ELAVL2: variants seen among roughly 807,000 people sequenced by gnomAD.
ELAVL2 encodes ELAV-like protein 2.
In ELAVL2, 4 loss-of-function variants were observed where a neutral mutation model predicts 34.6. The observed-to-expected ratio is 0.12, with a 90% CI of 0.06 to 0.26. ELAVL2 has a LOEUF of 0.26. ELAVL2 is among the 10% of genes least tolerant of loss of function. The pLI is 1.00. For synonymous variants in ELAVL2, 193 were observed against 154.8 expected (o/e 1.25, Z -1.83); for missense variants, 432 against 442.8 (o/e 0.98, Z 0.22).
intron 2 of ELAVL2, among the ~76,000 whole-genome samples, chr9:23,748,615 G>C (rs932797125): frequency 2.0e-5 from 3 of 152,082 alleles, no homozygotes; most frequent in East Asian, 1.9e-4. Context: ...AACTGCAAAG[G>C]GGGTAAGATG....
chr9:23,816,956 C>A (rs536032789), intron 1 of ELAVL2, among the ~76,000 whole-genome samples: 1 of 151,982 alleles, frequency 6.6e-6, no homozygotes, highest in South Asian at 2.1e-4. Context: ...ATTAGATTGG[C>A]CAACGGAAAA....
chr9:23,844,238 C>T, the ELAVL2 span, among the ~76,000 whole-genome samples: 1 of 152,018 alleles, frequency 6.6e-6, no homozygotes, highest in African/African-American at 2.4e-5. Context: ...CATCTGTTGA[C>T]ATCTCTATCT....
intron 2 of ELAVL2, among the ~76,000 whole-genome samples, chr9:23,745,123 G>A (rs971777471): frequency 6.6e-6 from 1 of 152,092 alleles, no homozygotes; most frequent in South Asian, 2.1e-4. Context: ...AAGATCACTT[G>A]AGCTTGGGAG....
rs562818986 is a variant in ELAVL2 at position 23,697,662 on chromosome 9, A to T, written c.713+3717T>A. Among the ~76,000 whole-genome samples the T allele has an allele frequency of 2.6e-5, 4 of 152,320 alleles. No homozygotes were observed. The East Asian group carries it at 7.7e-4, about 29-fold the overall frequency. ...AATTTTGAACAGAACCATGTATCAG[A>T]TCATTCCTATTTTAAAGCTAGGTGT... On this transcript the variant is annotated intron_variant, in intron 5 of 6. Coordinates refer to ENST00000397312, the MANE Select transcript of ELAVL2 (RefSeq NM_004432.5).
intron 2 of ELAVL2, among the ~76,000 whole-genome samples, chr9:23,747,777 G>GA (rs1370175046): frequency 1.3e-5 from 2 of 152,108 alleles, no homozygotes; most frequent in Non-Finnish European, 2.9e-5. Flanking sequence ...CCCAACACAG[G>GA]AAATTGCTTT....
At chr9:23,740,815 CAGAA>C (rs1336828854) in intron 2 of ELAVL2, among the ~76,000 whole-genome samples, 2 of 152,208 alleles carry the variant, frequency 1.3e-5, no homozygotes, top group Non-Finnish European at 2.9e-5. Context: ...TTTCCAAACT[CAGAA>C]AGCAGTTCTT....
intron 1 of ELAVL2, among the ~76,000 whole-genome samples, chr9:23,797,061 A>T (rs932816845): frequency 3.3e-5 from 5 of 152,154 alleles, no homozygotes; most frequent in African/African-American, 1.2e-4. Context: ...GGTTGAATTA[A>T]CCTGACCTTT....
intron 1 of ELAVL2, among the ~76,000 whole-genome samples, chr9:23,795,617 T>A (rs531415950): frequency 3.3e-5 from 5 of 152,230 alleles, no homozygotes; most frequent in Non-Finnish European, 5.9e-5. Context: ...TCCATAGTCA[T>A]TGATATATAA....
chr9:23,848,570 G>C, the ELAVL2 span, among the ~76,000 whole-genome samples: 1 of 152,078 alleles, frequency 6.6e-6, no homozygotes, highest in Non-Finnish European at 1.5e-5. Flanking sequence ...ACTTCATGTA[G>C]AATAGGCAAA....
chr9:23,720,909 G>T (rs1009772588), intron 3 of ELAVL2, among the ~76,000 whole-genome samples: 1 of 152,112 alleles, frequency 6.6e-6, no homozygotes, highest in Non-Finnish European at 1.5e-5. Flanking sequence ...GTAAGTCCTG[G>T]TTGGGGTGTA....
chr9:23,729,242 T>C (rs896059943), intron 3 of ELAVL2, among the ~76,000 whole-genome samples: 2 of 152,110 alleles, frequency 1.3e-5, no homozygotes, highest in Non-Finnish European at 2.9e-5. Flanking sequence ...AAAAGGATAG[T>C]TCCTGGGACA....
At chr9:23,801,399 TTA>T (rs1230636372) in intron 1 of ELAVL2, among the ~76,000 whole-genome samples, 3 of 152,150 alleles carry the variant, frequency 2.0e-5, no homozygotes, top group Non-Finnish European at 2.9e-5. Flanking sequence ...AAAGGAAAAG[TTA>T]TACTGTCATT....
At chr9:23,765,230 G>C in intron 1 of ELAVL2, 1 of 724,606 alleles carries the variant, frequency 1.4e-6, no homozygotes, top group South Asian at 2.2e-5. Context: ...AATTGAAATT[G>C]AGGCAATTCC....
At chr9:23,760,191 G>A (rs186643550) in intron 2 of ELAVL2, among the ~76,000 whole-genome samples, 1 of 152,020 alleles carries the variant, frequency 6.6e-6, no homozygotes, top group East Asian at 1.9e-4. Context: ...GAGGTGAGAC[G>A]TGAGGATCTG....
intron 3 of ELAVL2, among the ~76,000 whole-genome samples, chr9:23,723,751 G>A (rs137899374): frequency 2.3e-4 from 35 of 151,976 alleles, no homozygotes; most frequent in African/African-American, 8.4e-4. Context: ...TTATTATTCG[G>A]AAACCAATTT....
intron 2 of ELAVL2, among the ~76,000 whole-genome samples, chr9:23,738,209 A>T (rs1428110317): frequency 6.6e-6 from 1 of 152,210 alleles, no homozygotes; most frequent in Non-Finnish European, 1.5e-5. Context: ...GATACACAGC[A>T]AAACCATGTG....
intron 1 of ELAVL2, among the ~76,000 whole-genome samples, chr9:23,781,576 A>G (rs1253789132): frequency 6.7e-6 from 1 of 149,620 alleles, no homozygotes; most frequent in African/African-American, 2.5e-5. Context: ...GCTGGAGTAC[A>G]GTGGTGTGAT....
At chr9:23,742,496 G>A (rs540649930) in intron 2 of ELAVL2, among the ~76,000 whole-genome samples, 8 of 152,298 alleles carry the variant, frequency 5.3e-5, no homozygotes, top group African/African-American at 1.9e-4. Context: ...GAGGGAAGCT[G>A]AGTCATTAAG....
rs760312467 is a variant in ELAVL2 at position 23,701,399 on chromosome 9, A to C, written c.693T>G (p.Ala231=). The change falls in exon 5 of 7, where the codon GCT becomes GCG. Residue 231 remains alanine (A), a synonymous_variant. Coordinates refer to ENST00000397312, the MANE Select transcript of ELAVL2 (RefSeq NM_004432.5). The stretch of plus-strand genomic sequence containing the variant: ...CTTACCTAAAACGCTGTGCCTGCTG[A>C]GCTAGCGGTCCTGGATACCTTCTGT... ...SPNRRYPGPL[A]QQAQRFRLDN... The C allele has an allele frequency of 1.2e-6, 2 of 1,614,094 alleles. No individual in the cohort carries two copies. Among genetic ancestry groups the C allele is most frequent in the South Asian group, 1.1e-5 (1 of 91,082 alleles).
Sources: allele counts gnomAD v4.1 joint callset (sites outside exome capture counted in the v4.1 genomes callset), GRCh38; gene constraint gnomAD v4.1.1; transcripts MANE v1.5; gene names NCBI Gene and HGNC (gene_info 2026-07-23, HGNC 2026-07-21).